The following TMTC2 variants were observed in gnomAD, a reference collection of about 807,000 sequenced individuals.
TMTC2 encodes transmembrane O-mannosyltransferase targeting cadherins 2.
In TMTC2, 43 loss-of-function variants were observed where a neutral mutation model predicts 82.4. The ratio of observed to expected loss-of-function variants is 0.52; its 90% CI spans 0.41 to 0.67. The LOEUF is 0.67. TMTC2 is among the 30% of genes least tolerant of loss of function. The pLI, the probability that TMTC2 is intolerant of heterozygous loss-of-function variation, is 0.00. For missense variants in TMTC2, 919 were observed against 1,012.4 expected (o/e 0.91, Z 1.25); for synonymous variants, 408 against 381.9 (o/e 1.07, Z -0.80).
chr12:82,780,207 A>G (rs1032741657), intron 1 of TMTC2, among the ~76,000 whole-genome samples: 1 of 152,164 alleles, frequency 6.6e-6, no homozygotes, highest in Admixed American at 6.5e-5. Context: ...GCAAACTTGC[A>G]TGCCTGCTGT....
intron 2 of TMTC2, among the ~76,000 whole-genome samples, chr12:82,885,960 T>C (rs540324407): frequency 7.9e-5 from 12 of 152,346 alleles, no homozygotes; most frequent in Non-Finnish European, 1.2e-4. Context: ...ATATAAGTTA[T>C]TTGGAATTCT....
chr12:83,026,961 C>G (rs1050316694), intron 8 of TMTC2, among the ~76,000 whole-genome samples: 1 of 152,060 alleles, frequency 6.6e-6, no homozygotes, highest in Non-Finnish European at 1.5e-5. Context: ...GAATATTTCT[C>G]TTACATTTAT....
At chr12:83,002,820 G>A (rs1414188884) in intron 8 of TMTC2, among the ~76,000 whole-genome samples, 1 of 150,944 alleles carries the variant, frequency 6.6e-6, no homozygotes, top group Non-Finnish European at 1.5e-5. Context: ...GTGTATGGCT[G>A]TGCATCTGGT....
intron 8 of TMTC2, among the ~76,000 whole-genome samples, chr12:82,988,099 T>G (rs1879243757): frequency 1.3e-5 from 2 of 152,086 alleles, no homozygotes; most frequent in South Asian, 4.2e-4. Context: ...GCAAAGAAAT[T>G]GGTGATGATG....
chr12:82,764,147 C>G (rs191278886), intron 1 of TMTC2, among the ~76,000 whole-genome samples: 1 of 151,782 alleles, frequency 6.6e-6, no homozygotes, highest in Non-Finnish European at 1.5e-5. Flanking sequence ...CACATACACA[C>G]TTTTTTTTGA....
At chr12:82,723,813 T>G (rs1874317250) in intron 1 of TMTC2, among the ~76,000 whole-genome samples, 1 of 152,198 alleles carries the variant, frequency 6.6e-6, no homozygotes, top group South Asian at 2.1e-4. Flanking sequence ...ATCTAGGACT[T>G]CTGAAAACAC....
At chr12:82,792,609 G>A (rs989657338) in intron 1 of TMTC2, among the ~76,000 whole-genome samples, 21 of 152,002 alleles carry the variant, frequency 1.4e-4, no homozygotes, top group African/African-American at 5.1e-4. Context: ...TGGGACAACA[G>A]ACGTGCATCA....
intron 1 of TMTC2, among the ~76,000 whole-genome samples, chr12:82,724,307 T>TG (rs1413783200): frequency 3.9e-5 from 6 of 152,200 alleles, no homozygotes; most frequent in Non-Finnish European, 1.5e-5. Context: ...TGCTGCTTAT[T>TG]AGACTTGTGA....
At chr12:82,978,281 G>A (rs975719680) in intron 7 of TMTC2, among the ~76,000 whole-genome samples, 1 of 151,668 alleles carries the variant, frequency 6.6e-6, no homozygotes, top group Non-Finnish European at 1.5e-5. Flanking sequence ...AAATATCTGA[G>A]CACTGGTGAA....
At position 83,132,293 on chromosome 12, in the gene TMTC2, C is replaced by T. The variant is rs1482499994; in HGVS notation, c.2415C>T (p.Ala805=). The change falls in exon 12 of 12, where the codon GCC becomes GCT. Residue 805 remains alanine (A), a synonymous_variant. Transcript: ENST00000321196. ...LQKAEANYLR[A]LQLKPDDVIT... ...AGGCCGAGGCCAACTACCTGCGGGC[C>T]CTGCAGCTCAAGCCAGACGATGTCA... The T allele has an allele frequency of 6.2e-7, 1 of 1,613,890 alleles. No individual in the cohort carries two copies. Among genetic ancestry groups the T allele is most frequent in the African/African-American group, 1.3e-5 (1 of 74,908 alleles).
At chr12:83,027,650 CTAAA>C (rs1172204118) in intron 8 of TMTC2, among the ~76,000 whole-genome samples, 1 of 152,116 alleles carries the variant, frequency 6.6e-6, no homozygotes, top group African/African-American at 2.4e-5. Context: ...TGGCACTTGG[CTAAA>C]TAAATAGTGG....
At chr12:82,951,783 G>A (rs558533693) in intron 4 of TMTC2, among the ~76,000 whole-genome samples, 3 of 152,248 alleles carry the variant, frequency 2.0e-5, no homozygotes, top group South Asian at 2.1e-4. Flanking sequence ...TCGAAAGTAC[G>A]TGTTTTAAAG....
At chr12:82,912,049 C>T (rs1173011795) in intron 3 of TMTC2, among the ~76,000 whole-genome samples, 1 of 152,196 alleles carries the variant, frequency 6.6e-6, no homozygotes, top group East Asian at 1.9e-4. Context: ...AGCTGCCTCT[C>T]AGCCCATTCT....
At chr12:82,768,369 G>A (rs1877094943) in intron 1 of TMTC2, among the ~76,000 whole-genome samples, 1 of 152,156 alleles carries the variant, frequency 6.6e-6, no homozygotes, top group African/African-American at 2.4e-5. Context: ...TTGACAGAAA[G>A]AAAAGGCCCT....
chr12:83,062,117 C>A (rs941023212), intron 11 of TMTC2, among the ~76,000 whole-genome samples: 2 of 151,688 alleles, frequency 1.3e-5, no homozygotes, highest in African/African-American at 4.8e-5. Context: ...GCTTTGGCAT[C>A]ACTCTAAATA....
intron 8 of TMTC2, among the ~76,000 whole-genome samples, chr12:82,996,965 A>G (rs1056638248): frequency 6.6e-6 from 1 of 152,064 alleles, no homozygotes; most frequent in Non-Finnish European, 1.5e-5. Context: ...TATCTCAAAG[A>G]GGTTACATCA....
At chr12:82,925,804 CA>C (rs142329557) in intron 3 of TMTC2, among the ~76,000 whole-genome samples, 4 of 151,100 alleles carry the variant, frequency 2.6e-5, no homozygotes, top group African/African-American at 9.7e-5. Context: ...TTCCTTGAGA[CA>C]AAAAAAATAT....
At chr12:82,937,931 T>TC (rs1446592273) in intron 4 of TMTC2, among the ~76,000 whole-genome samples, 1 of 83,342 alleles carries the variant, frequency 1.2e-5, no homozygotes, top group Non-Finnish European at 2.9e-5. Context: ...TATTTTTTTT[T>TC]TTTGAGACAG....
intron 1 of TMTC2, among the ~76,000 whole-genome samples, chr12:82,693,636 A>G (rs946230428): frequency 6.6e-6 from 1 of 151,890 alleles, no homozygotes; most frequent in Non-Finnish European, 1.5e-5. Context: ...TTACCTTTCC[A>G]GTTATATTTG....
Sources: gnomAD v4.1 joint callset for allele counts (sites outside exome capture counted in the v4.1 genomes callset) on GRCh38, gnomAD v4.1.1 for gene constraint, MANE v1.5 for transcripts, NCBI Gene and HGNC (gene_info 2026-07-23, HGNC 2026-07-21) for gene names.